Variants in ADAT2 observed in about 807,000 individuals in gnomAD.
ADAT2 encodes the protein adenosine deaminase tRNA specific 2.
In ADAT2, 26 loss-of-function variants were observed where a neutral mutation model predicts 25.9. The ratio of observed to expected loss-of-function variants is 1.00; its 90% CI spans 0.74 to 1.39. The LOEUF is 1.39. Ranked by LOEUF, ADAT2 falls within the 40% of genes most tolerant of loss-of-function variation. The pLI, the probability that ADAT2 is intolerant of heterozygous loss-of-function variation, is 0.00. For missense variants in ADAT2, 220 were observed against 244.8 expected (o/e 0.90, Z 0.68); for synonymous variants, 76 against 86.8 (o/e 0.88, Z 0.69).
Position 143,442,476 on chromosome 6 carries a change from TACACACACAC to T in ADAT2, c.97-3792_97-3783del, listed in dbSNP as rs35133336. 1.8e-4 allele frequency among the ~76,000 whole-genome samples: 25 copies of T among 142,144 alleles called. No individual in the cohort carries two copies. Among genetic ancestry groups the T allele is most frequent in the African/African-American group, 5.5e-4 (21 of 38,142 alleles). 93.3% of individuals were successfully genotyped at this position (142,144 alleles called of 152,430 possible). A position where few individuals can be genotyped will look rare whatever the true frequency, so the allele number is the denominator to read the frequency against. On this transcript the variant is annotated intron_variant, in intron 1 of 5. Transcript: ENST00000237283. This position sits in a 1 kb window ranked among gnomAD's most constrained non-coding sequence, Gnocchi z 4.6. ...CATGACAAAATTGCATAGGCACGCA[TACACACACAC>T]ACACACACACACACACACACACACG...
At position 143,437,227 on chromosome 6, in the gene ADAT2, T is replaced by C. The variant is rs1779316271; in HGVS notation, c.201+1363A>G. Among the ~76,000 whole-genome samples, 1 of 152,188 alleles carries C rather than the reference T, an allele frequency of 6.6e-6. No individual in the cohort carries two copies. The highest frequency in any genetic ancestry group is 2.4e-5 in the African/African-American group (1 of 41,444). On this transcript the variant is annotated intron_variant, in intron 2 of 5. Coordinates refer to ENST00000237283, the MANE Select transcript of ADAT2 (RefSeq NM_182503.3). The surrounding 1 kb of genome is among the most constrained non-coding windows in gnomAD (Gnocchi z 4.1). ...ATGCAAAATCTACATTTTGAGTAAA[T>C]TTCCTATAATCAATGTAAGCTTTCC...
chr6:143,438,660 A>G lies in ADAT2; in HGVS notation c.131T>C (p.Val44Ala). The G allele has an allele frequency of 6.2e-7, 1 of 1,613,510 alleles. No homozygotes were observed. Residue 44 changes from valine to alanine, a missense_variant, in exon 2 of 6, where the codon GTT (valine) becomes GCT (alanine). Coordinates refer to ENST00000237283, the MANE Select transcript of ADAT2 (RefSeq NM_182503.3). ...KEALENTEVPVGCLMVYNNEV... is the reference protein window; with the variant it reads ...KEALENTEVPAGCLMVYNNEV... Reference sequence around the variant, plus strand: ...ATTGTTGTAGACCATAAGACAGCCAACAGGAACTTCAGTATTTTCGAGGGC... The same window carrying G: ...ATTGTTGTAGACCATAAGACAGCCAGCAGGAACTTCAGTATTTTCGAGGGC...
At position 143,440,663 on chromosome 6, in the gene ADAT2, T is replaced by C. The variant is rs1271603607; in HGVS notation, c.97-1969A>G. On this transcript the variant is annotated intron_variant, in intron 1 of 5. Transcript: ENST00000237283. The surrounding 1 kb of genome is among the most constrained non-coding windows in gnomAD (Gnocchi z 4.5). The stretch of plus-strand genomic sequence containing the variant: ...CCAGTTTATGCAAGTTCAAAAGGCT[T>C]GAAGAGTCCCGAGGTTTGGTTAATA... 6.6e-6 allele frequency among the ~76,000 whole-genome samples: 1 copy of C among 152,154 alleles called. No homozygotes were observed. The highest frequency in any genetic ancestry group is 1.5e-5 in the Non-Finnish European group (1 of 68,028).
chr6:143,447,682 G>GA (rs948672936), intron 1 of ADAT2, among the ~76,000 whole-genome samples: 25 of 143,420 alleles, frequency 1.7e-4, no homozygotes, highest in South Asian at 4.4e-4. Context: ...TTCACTTTGG[G>GA]AAAAAAAAAA....
chr6:143,438,671 A>T lies in ADAT2; in HGVS notation c.120T>A (p.Thr40=). The change falls in exon 2 of 6, where the codon ACT becomes ACA. Residue 40 remains threonine (T), a synonymous_variant. Coordinates refer to ENST00000237283, the MANE Select transcript of ADAT2 (RefSeq NM_182503.3). ...CCATAAGACAGCCAACAGGAACTTCAGTATTTTCGAGGGCTTCTTTGGCCT... is the reference window on the plus strand; with the variant it reads ...CCATAAGACAGCCAACAGGAACTTCTGTATTTTCGAGGGCTTCTTTGGCCT... ...MHMAKEALEN[T]EVPVGCLMVY... is the part of the protein sequence containing the mutation. The T allele has an allele frequency of 6.2e-7, 1 of 1,613,518 alleles. No individual in the cohort carries two copies. Among genetic ancestry groups the T allele is most frequent in the Non-Finnish European group, 8.5e-7 (1 of 1,179,494 alleles).
Position 143,436,092 on chromosome 6 carries a change from ACTGT to A in ADAT2, c.202-2115_202-2112del, listed in dbSNP as rs1779268420. On this transcript the variant is annotated intron_variant, in intron 2 of 5. Coordinates refer to ENST00000237283, the MANE Select transcript of ADAT2 (RefSeq NM_182503.3). This position sits in a 1 kb window ranked among gnomAD's most constrained non-coding sequence, Gnocchi z 4.1. ...TGTTACATGATTTATATGAAAGAAA[ACTGT>A]CTGGAAGAATATGGCAAAATTTTAA... The A allele has an allele frequency of 6.6e-6, 1 of 152,286 alleles. No individual in the cohort carries two copies. The highest frequency in any genetic ancestry group is 2.4e-5 in the African/African-American group (1 of 41,466). 9.4% of individuals were successfully genotyped at this position (152,286 alleles called of 1,614,324 possible). A position where few individuals can be genotyped will look rare whatever the true frequency, so the allele number is the denominator to read the frequency against.
Position 143,444,783 on chromosome 6 carries a change from C to T in ADAT2, c.96+5780G>A. The T allele has an allele frequency of 6.1e-6, 2 of 328,624 alleles. No homozygotes were observed. Among genetic ancestry groups the T allele is most frequent in the African/African-American group, 2.2e-5 (1 of 44,824 alleles). The allele number at this position is 328,624 out of a possible 1,614,324, so 20.4% of individuals were successfully genotyped here. A position where few individuals can be genotyped will look rare whatever the true frequency, so the allele number is the denominator to read the frequency against. ...TCCTTGAATATAATTTCTTTTTTTT[C>T]TCTAGTCAGGGCCTGCCCAGATACA... On this transcript the variant is annotated intron_variant, in intron 1 of 5. Transcript: ENST00000237283. This position sits in a 1 kb window ranked among gnomAD's most constrained non-coding sequence, Gnocchi z 4.3.
At chr6:143,430,045 C>A (rs897805091) in intron 4 of ADAT2, among the ~76,000 whole-genome samples, 1 of 152,198 alleles carries the variant, frequency 6.6e-6, no homozygotes, top group Non-Finnish European at 1.5e-5. Flanking sequence ...AAACACTTGC[C>A]TCCTTTCAGA....
rs1389944276 is a variant in ADAT2 at position 143,434,367 on chromosome 6, T to A, written c.202-386A>T. 2.6e-5 allele frequency among the ~76,000 whole-genome samples: 4 copies of A among 152,222 alleles called. No individual in the cohort carries two copies. Among genetic ancestry groups the A allele is most frequent in the African/African-American group, 9.6e-5 (4 of 41,462 alleles). On this transcript the variant is annotated intron_variant, in intron 2 of 5. Transcript: ENST00000237283. The surrounding 1 kb of genome is among the most constrained non-coding windows in gnomAD (Gnocchi z 4.5). The stretch of plus-strand genomic sequence containing the variant: ...CATAAGCTTGTGCTCTAGTTTCAAA[T>A]ATATTTTCAAGGCTGTCACTGACCT...
Position 143,427,462 on chromosome 6 carries a change from T to C in ADAT2, c.*1001A>G, listed in dbSNP as rs1346124981. ...CAAAGCTGCCCTGTAGTCATGGAGG[T>C]GAACTGGGGACTTCCTGCTGTGGAT... On this transcript the variant is annotated 3_prime_UTR_variant, in exon 6 of 6. Transcript: ENST00000237283. 6.6e-6 allele frequency: 1 copy of C among 152,248 alleles called. No individual in the cohort carries two copies. The highest frequency in any genetic ancestry group is 1.5e-5 in the Non-Finnish European group (1 of 68,036). The allele number at this position is 152,248 out of a possible 1,614,324, so 9.4% of individuals were successfully genotyped here. A position where few individuals can be genotyped will look rare whatever the true frequency, so the allele number is the denominator to read the frequency against.
In ADAT2 at chr6:143,427,473, C is replaced by T. The variant is rs1397940542; in HGVS notation, c.*990G>A. The stretch of plus-strand genomic sequence containing the variant: ...TGTAGTCATGGAGGTGAACTGGGGA[C>T]TTCCTGCTGTGGATACCCTTTCCAG... On this transcript the variant is annotated 3_prime_UTR_variant, in exon 6 of 6. Transcript: ENST00000237283. 6.6e-6 allele frequency: 1 copy of T among 152,232 alleles called. No individual in the cohort carries two copies. The highest frequency in any genetic ancestry group is 1.5e-5 in the Non-Finnish European group (1 of 68,040). The allele number at this position is 152,232 out of a possible 1,614,324, so 9.4% of individuals were successfully genotyped here.
chr6:143,427,096 AACACACACACACACACACACAC>A lies in ADAT2; in HGVS notation c.*1345_*1366del. ...CCATAAAACTTTTCAAATGCAGTTA[AACACACACACACACACACACAC>A]ACACACACACACACACAAAACCAAG... is the stretch of plus-strand genomic sequence containing the variant. On this transcript the variant is annotated 3_prime_UTR_variant, in exon 6 of 6. Coordinates refer to ENST00000237283, the MANE Select transcript of ADAT2 (RefSeq NM_182503.3). 7.1e-6 allele frequency: 1 copy of A among 140,174 alleles called. No individual in the cohort carries two copies. Among genetic ancestry groups the A allele is most frequent in the Non-Finnish European group, 1.5e-5 (1 of 64,902 alleles). The allele number at this position is 140,174 out of a possible 1,614,324, so 8.7% of individuals were successfully genotyped here. A position where few individuals can be genotyped will look rare whatever the true frequency, so the allele number is the denominator to read the frequency against.
chr6:143,436,564 T>C lies in ADAT2; in HGVS notation c.201+2026A>G. The stretch of plus-strand genomic sequence containing the variant: ...CAGGTGCAAGGCCTTCCTGCACTGG[T>C]ACATGGGCGAGGGCAAGAATGAGAT... On this transcript the variant is annotated intron_variant, in intron 2 of 5. Coordinates refer to ENST00000237283, the MANE Select transcript of ADAT2 (RefSeq NM_182503.3). The surrounding 1 kb of genome is among the most constrained non-coding windows in gnomAD (Gnocchi z 4.1). 2.4e-6 allele frequency: 1 copy of C among 412,342 alleles called. No homozygotes were observed. Among genetic ancestry groups the C allele is most frequent in the South Asian group, 2.0e-5 (1 of 48,826 alleles). 25.5% of individuals were successfully genotyped at this position (412,342 alleles called of 1,614,324 possible). A position where few individuals can be genotyped will look rare whatever the true frequency, so the allele number is the denominator to read the frequency against.
rs1779150745 is a variant in ADAT2 at position 143,432,656 on chromosome 6, T to C, written c.353-45A>G. On this transcript the variant is annotated intron_variant, in intron 3 of 5. Transcript: ENST00000237283. This position sits in a 1 kb window ranked among gnomAD's most constrained non-coding sequence, Gnocchi z 4.4. ...CTGCATAGAATGTACATTTCAAGTA[T>C]GTATCGTGACAAAATCAGAGTAGGT... 6.3e-7 allele frequency: 1 copy of C among 1,584,804 alleles called. No individual in the cohort carries two copies. Among genetic ancestry groups the C allele is most frequent in the Non-Finnish European group, 8.7e-7 (1 of 1,153,788 alleles).
intron 4 of ADAT2, among the ~76,000 whole-genome samples, chr6:143,430,726 C>T (rs532900272): frequency 2.2e-4 from 33 of 152,120 alleles, no homozygotes; most frequent in African/African-American, 6.5e-4. Context: ...CCACCATGCC[C>T]GGCTAATTTT....
chr6:143,435,895 G>GT (rs1490953772), intron 2 of ADAT2, among the ~76,000 whole-genome samples: 1 of 152,008 alleles, frequency 6.6e-6, no homozygotes, highest in Non-Finnish European at 1.5e-5. Flanking sequence ...ACATGCTTCT[G>GT]TTTTTTTCTA....
rs765564613 is a variant in ADAT2, at chr6:143,432,460, G to T, written c.459+45C>A. On this transcript the variant is annotated intron_variant, in intron 4 of 5. Transcript: ENST00000237283. This position sits in a 1 kb window ranked among gnomAD's most constrained non-coding sequence, Gnocchi z 4.4. ...GTTATTCACAAGCCCATAAAGAGAT[G>T]AAAATAATTAGCAAGAAAGAAAAAG... is the stretch of plus-strand genomic sequence containing the variant. The T allele has an allele frequency of 1.3e-6, 2 of 1,541,800 alleles. No homozygotes were observed. The highest frequency in any genetic ancestry group is 2.2e-5 in the South Asian group (2 of 89,468).
At chr6:143,438,475 C>A (rs1385582856) in intron 2 of ADAT2, 115 bp downstream of exon 2, 1 of 618,490 alleles carries the variant, frequency 1.6e-6, no homozygotes, top group Non-Finnish European at 2.7e-6. Context: ...AAGCTACCCA[C>A]CACTGGCAGC....
rs1779617345 is a variant in ADAT2 at position 143,446,939 on chromosome 6, C to A, written c.96+3624G>T. Among the ~76,000 whole-genome samples the A allele has an allele frequency of 1.3e-5, 2 of 152,284 alleles. No individual in the cohort carries two copies. The highest frequency in any genetic ancestry group is 2.1e-4 in the South Asian group (1 of 4,826). ...AGTGCAACACTATTACTTAGTCATACTTCTTTTTTCCAAGCCTATCTTTAG... is the reference window on the plus strand; with the variant it reads ...AGTGCAACACTATTACTTAGTCATAATTCTTTTTTCCAAGCCTATCTTTAG... On this transcript the variant is annotated intron_variant, in intron 1 of 5. Transcript: ENST00000237283. This position sits in a 1 kb window ranked among gnomAD's most constrained non-coding sequence, Gnocchi z 5.0.
Sources: allele counts gnomAD v4.1 joint callset (sites outside exome capture counted in the v4.1 genomes callset), GRCh38; gene constraint gnomAD v4.1.1; non-coding constraint Gnocchi (gnomAD v3.1); transcripts MANE v1.5; gene names NCBI Gene and HGNC (gene_info 2026-07-23, HGNC 2026-07-21).